The following SCMH1 variants were observed in gnomAD, a reference collection of about 807,000 sequenced individuals.
The protein encoded by SCMH1 is polycomb protein SCMH1.
In SCMH1, 37 loss-of-function variants were observed where a neutral mutation model predicts 70.8. The observed-to-expected ratio is 0.52, with a 90% CI of 0.40 to 0.69. SCMH1 has a LOEUF of 0.69. SCMH1 is among the 30% of genes least tolerant of loss of function. SCMH1 has a pLI of 0.00. For missense variants in SCMH1, 607 were observed against 827.3 expected (o/e 0.73, Z 3.27); for synonymous variants, 292 against 307.4 (o/e 0.95, Z 0.52).
intron 6 of SCMH1, among the ~76,000 whole-genome samples, chr1:41,131,029 T>A (rs532489790): frequency 6.6e-6 from 1 of 152,328 alleles, no homozygotes; most frequent in South Asian, 2.1e-4. Flanking sequence ...AGTTTTCTCA[T>A]TTTAGCTCTT....
intron 1 of SCMH1, among the ~76,000 whole-genome samples, chr1:41,214,944 A>G (rs113703331): frequency 2.6e-5 from 4 of 152,352 alleles, no homozygotes; most frequent in African/African-American, 9.6e-5. Context: ...TCAAAATGCT[A>G]AACGTAGTTA....
intron 6 of SCMH1, among the ~76,000 whole-genome samples, chr1:41,124,916 T>TA (rs933149340): frequency 6.6e-5 from 10 of 152,114 alleles, no homozygotes; most frequent in African/African-American, 2.4e-4. Flanking sequence ...AGAGATTTGA[T>TA]AAAAAATATT....
At chr1:41,103,706 T>C (rs1557448757) in intron 8 of SCMH1, among the ~76,000 whole-genome samples, 1 of 152,198 alleles carries the variant, frequency 6.6e-6, no homozygotes. Flanking sequence ...AATTGTTTCA[T>C]TATACATGTC....
chr1:41,176,574 T>A (rs1647162263), intron 2 of SCMH1, among the ~76,000 whole-genome samples: 2 of 152,108 alleles, frequency 1.3e-5, no homozygotes, highest in Admixed American at 1.3e-4. Context: ...TTTCCAATGG[T>A]CTTAGCAAAC....
intron 8 of SCMH1, among the ~76,000 whole-genome samples, chr1:41,093,117 C>T (rs1215759056): frequency 6.6e-6 from 1 of 151,958 alleles, no homozygotes; most frequent in Non-Finnish European, 1.5e-5. Context: ...AGACTTGGAA[C>T]CAACCCAAAT....
intron 1 of SCMH1, among the ~76,000 whole-genome samples, chr1:41,231,424 T>C (rs559459281): frequency 2.0e-5 from 3 of 152,318 alleles, no homozygotes; most frequent in East Asian, 3.9e-4. Flanking sequence ...AGAACAGTTT[T>C]AGATTTACAG....
chr1:41,212,974 G>C (rs558908310), intron 1 of SCMH1, among the ~76,000 whole-genome samples: 1 of 152,048 alleles, frequency 6.6e-6, no homozygotes, highest in South Asian at 2.1e-4. Flanking sequence ...TTAACTAAAG[G>C]TATTCTCTGG....
chr1:41,044,450 AAGGC>A, intron 12 of SCMH1, among the ~76,000 whole-genome samples: 1 of 151,860 alleles, frequency 6.6e-6, no homozygotes, highest in African/African-American at 2.4e-5. Context: ...AGCAGGCAGG[AAGGC>A]AGGCAGGCAA....
chr1:41,182,205 G>A (rs913658125), intron 2 of SCMH1, among the ~76,000 whole-genome samples: 1 of 152,192 alleles, frequency 6.6e-6, no homozygotes, highest in Non-Finnish European at 1.5e-5. Context: ...GTTGTGGGAT[G>A]CGGGGAGAGG....
intron 1 of SCMH1, among the ~76,000 whole-genome samples, chr1:41,206,827 G>GAC (rs1261711607): frequency 6.6e-6 from 1 of 152,150 alleles, no homozygotes; most frequent in Non-Finnish European, 1.5e-5. Flanking sequence ...AAGCCCATCA[G>GAC]ACACAGTGCC....
intron 10 of SCMH1, among the ~76,000 whole-genome samples, chr1:41,058,625 C>T (rs1347798008): frequency 6.6e-6 from 1 of 151,984 alleles, no homozygotes; most frequent in East Asian, 1.9e-4. Flanking sequence ...TGTGATCCAC[C>T]CGCCTCAGCC....
At chr1:41,198,339 G>T (rs984210543) in intron 1 of SCMH1, among the ~76,000 whole-genome samples, 2 of 152,130 alleles carry the variant, frequency 1.3e-5, no homozygotes, top group Non-Finnish European at 2.9e-5. Context: ...AAGACAAAAA[G>T]TAAGTGTGGA....
intron 8 of SCMH1, among the ~76,000 whole-genome samples, chr1:41,093,744 T>C (rs1172917996): frequency 6.6e-6 from 1 of 152,210 alleles, no homozygotes; most frequent in Non-Finnish European, 1.5e-5. Flanking sequence ...GTATCAAAAA[T>C]ACACATTAGT....
intron 2 of SCMH1, among the ~76,000 whole-genome samples, chr1:41,176,699 G>C (rs1025750777): frequency 6.6e-6 from 1 of 152,320 alleles, no homozygotes; most frequent in East Asian, 1.9e-4. Context: ...AGCGAGGCTG[G>C]GGGAGGGGCG....
chr1:41,060,706 A>T (rs11585719), intron 10 of SCMH1, among the ~76,000 whole-genome samples: 7 of 152,016 alleles, frequency 4.6e-5, no homozygotes, highest in African/African-American at 1.7e-4. Context: ...GTGCAGTGGT[A>T]CTATCGTAAC....
At chr1:41,224,558 TTGAC>T (rs1214748437) in intron 1 of SCMH1, among the ~76,000 whole-genome samples, 1 of 152,198 alleles carries the variant, frequency 6.6e-6, no homozygotes, top group African/African-American at 2.4e-5. Context: ...CAAAGGTAAA[TTGAC>T]TGATAATCAA....
chr1:41,107,522 AT>A (rs890587927), intron 8 of SCMH1, among the ~76,000 whole-genome samples: 2 of 149,386 alleles, frequency 1.3e-5, no homozygotes, highest in African/African-American at 5.1e-5. Flanking sequence ...CTAGGATTAC[AT>A]TTTTTTTTCT....
chr1:41,151,411 T>C (rs1296270491), intron 5 of SCMH1, among the ~76,000 whole-genome samples: 7 of 152,178 alleles, frequency 4.6e-5, no homozygotes, highest in Non-Finnish European at 8.8e-5. Flanking sequence ...AGGGTGTTAC[T>C]TGGGATGAAG....
chr1:41,166,030 G>C (rs1054117979), intron 2 of SCMH1, among the ~76,000 whole-genome samples: 5 of 152,198 alleles, frequency 3.3e-5, no homozygotes, highest in South Asian at 2.1e-4. Flanking sequence ...TCTCATATGA[G>C]GGGTGAAATA....
Sources: allele counts gnomAD v4.1 joint callset (sites outside exome capture counted in the v4.1 genomes callset), GRCh38; gene constraint gnomAD v4.1.1; transcripts MANE v1.5; gene names NCBI Gene and HGNC (gene_info 2026-07-23, HGNC 2026-07-21).